The following MRO variants were observed in gnomAD, a reference collection of about 807,000 sequenced individuals.
MRO encodes protein maestro.
A neutral mutation model predicts 31.0 loss-of-function variants in MRO; 28 were observed. The observed-to-expected ratio is 0.90, with a 90% CI of 0.67 to 1.24. MRO has a LOEUF of 1.24. MRO is among the 50% of genes most tolerant of loss of function. MRO has a pLI of 0.00. For missense variants in MRO, 332 were observed against 289.2 expected, an observed-to-expected ratio of 1.15 and a Z score of -1.07; for synonymous variants, 108 against 108.4, an observed-to-expected ratio of 1.00 and a Z score of 0.02.
In MRO at chr18:50,811,333, T is replaced by C. The variant is rs375039097; in HGVS notation, c.-4-1929A>G. Among the ~76,000 whole-genome samples, 4 of 152,206 alleles carry C rather than the reference T, an allele frequency of 2.6e-5. No homozygotes were observed. In the East Asian group the frequency reaches 5.8e-4, roughly 22 times the overall value. On this transcript the variant is annotated intron_variant, in intron 2 of 7. Coordinates refer to ENST00000398439, the MANE Select transcript of MRO (RefSeq NM_031939.6). Reference sequence around the variant, plus strand: ...TTTTCATCACCCCAAAAGAAAGCCCTGCACCCATTAGGCATTCATTCCATA... The same window carrying C: ...TTTTCATCACCCCAAAAGAAAGCCCCGCACCCATTAGGCATTCATTCCATA...
At chr18:50,811,931 G>A (rs905163533) in intron 2 of MRO, among the ~76,000 whole-genome samples, 9 of 151,800 alleles carry the variant, frequency 5.9e-5, no homozygotes, top group Admixed American at 3.3e-4. Flanking sequence ...TAGTAGACAC[G>A]GGGTTTCAGC....
chr18:50,815,762 G>A (rs766340747), intron 2 of MRO: 47 of 414,540 alleles, frequency 1.1e-4, no homozygotes, highest in Non-Finnish European at 2.0e-4. Context: ...GGCTGGGCAC[G>A]GTGGCTCACA....
At chr18:50,822,858 A>G (rs1357205785), upstream of MRO, among the ~76,000 whole-genome samples, 1 of 151,954 alleles carries the variant, frequency 6.6e-6, no homozygotes, top group African/African-American at 2.4e-5. Context: ...ATGGAGGCAG[A>G]GTGCTCGGCA....
At position 50,815,589 on chromosome 18, in the gene MRO, T is replaced by G. The variant is rs1914847326; in HGVS notation, c.-5+3992A>C. 4 of 297,402 alleles carry G rather than the reference T, an allele frequency of 1.3e-5. No homozygotes were observed. The South Asian group carries it at 1.4e-4, about 10-fold the overall frequency. 18.4% of individuals were successfully genotyped at this position (297,402 alleles called of 1,614,324 possible). A position where few individuals can be genotyped will look rare whatever the true frequency, so the allele number is the denominator to read the frequency against. ...TTGGTGGTGGTAACTATGGTGGTGGTGGAAACTATAATGATCTTGGAAACA... is the reference window on the plus strand; with the variant it reads ...TTGGTGGTGGTAACTATGGTGGTGGGGGAAACTATAATGATCTTGGAAACA... On this transcript the variant is annotated intron_variant, in intron 2 of 7. Coordinates refer to ENST00000398439, the MANE Select transcript of MRO (RefSeq NM_031939.6).
At chr18:50,817,675 G>C (rs1339288930) in intron 2 of MRO, among the ~76,000 whole-genome samples, 2 of 150,618 alleles carry the variant, frequency 1.3e-5, no homozygotes, top group Non-Finnish European at 3.0e-5. Context: ...AAGCTAATCC[G>C]AGCCCATGCA....
Position 50,799,266 on chromosome 18 carries a change from T to G in MRO, c.*71A>C. ...GCAAGCAGTGAGAAGAGGCATCCAG[T>G]GAGATAAAACAGGGGAACATGATGG... On this transcript the variant is annotated 3_prime_UTR_variant, in exon 8 of 8. Transcript: ENST00000398439. The G allele has an allele frequency of 5.2e-6, 7 of 1,337,642 alleles. No homozygotes were observed. Among genetic ancestry groups the G allele is most frequent in the South Asian group, 1.2e-5 (1 of 85,126 alleles). 82.9% of individuals were successfully genotyped at this position (1,337,642 alleles called of 1,614,324 possible).
chr18:50,802,301 C>T (rs1913413373), intron 5 of MRO, among the ~76,000 whole-genome samples: 1 of 152,176 alleles, frequency 6.6e-6, no homozygotes, highest in Non-Finnish European at 1.5e-5. Flanking sequence ...CTCCCTGCTT[C>T]CAGTCTGATT....
chr18:50,808,109 A>G (rs1401866492), intron 3 of MRO, among the ~76,000 whole-genome samples: 1 of 152,092 alleles, frequency 6.6e-6, no homozygotes, highest in Non-Finnish European at 1.5e-5. Flanking sequence ...ACAAACAAAC[A>G]CAAACACCAA....
At chr18:50,799,500 T>G (rs1599002115) in intron 7 of MRO, 110 bp from the exon 8 acceptor site, 1 of 902,694 alleles carries the variant, frequency 1.1e-6, no homozygotes, top group Non-Finnish European at 1.8e-6. Flanking sequence ...GCAGGAGAGG[T>G]GGAGGCATCA....
upstream of MRO, among the ~76,000 whole-genome samples, chr18:50,822,553 G>A (rs1915343821): frequency 6.6e-6 from 1 of 152,018 alleles, no homozygotes. Flanking sequence ...GGCCAGGCTG[G>A]TCTCCAACTC....
At chr18:50,811,746 CTTTTTTTTTT>C (rs71171344) in intron 2 of MRO, among the ~76,000 whole-genome samples, 2 of 80,156 alleles carry the variant, frequency 2.5e-5, no homozygotes, top group South Asian at 5.4e-4. Context: ...TGTGGTAATT[CTTTTTTTTTT>C]TTTTTTTTTT....
At chr18:50,801,543 C>A (rs747575433) in intron 5 of MRO, 39 bp from the exon 6 acceptor site, 2 of 1,552,894 alleles carry the variant, frequency 1.3e-6, no homozygotes, top group Non-Finnish European at 1.7e-6. Flanking sequence ...AAAGCCAGAT[C>A]ATTACCAAAA....
chr18:50,806,752 G>A lies in MRO; in HGVS notation c.198C>T (p.His66=), dbSNP rs200310054. 6.2e-7 allele frequency: 1 copy of A among 1,614,170 alleles called. No individual in the cohort carries two copies. The highest frequency in any genetic ancestry group is 2.2e-5 in the East Asian group (1 of 44,872). The change falls in exon 4 of 8, where the codon CAC becomes CAT. Residue 66 remains histidine, a synonymous_variant. Coordinates refer to ENST00000398439, the MANE Select transcript of MRO (RefSeq NM_031939.6). ...RARDPSAKKR[H]MAMRNLGTMA... is the part of the protein sequence containing the mutation. Reference sequence around the variant, plus strand: ...TGGTTCCCAAGTTTCTCATTGCCATGTGACGCTTTTTAGCACTGGGGTCCC... The same window carrying A: ...TGGTTCCCAAGTTTCTCATTGCCATATGACGCTTTTTAGCACTGGGGTCCC...
rs1912752443 is a variant in MRO at position 50,795,906 on chromosome 18, C to A, written c.*3431G>T. 6.6e-6 allele frequency: 1 copy of A among 152,236 alleles called. No homozygotes were observed. Among genetic ancestry groups the A allele is most frequent in the African/African-American group, 2.4e-5 (1 of 41,412 alleles). The allele number at this position is 152,236 out of a possible 1,614,324, so 9.4% of individuals were successfully genotyped here. A position where few individuals can be genotyped will look rare whatever the true frequency, so the allele number is the denominator to read the frequency against. On this transcript the variant is annotated 3_prime_UTR_variant, in exon 8 of 8. Coordinates refer to ENST00000398439, the MANE Select transcript of MRO (RefSeq NM_031939.6). ...AGTGAGCCGAGATCGTGTCATTGCA[C>A]TCCAGCCTGGGTGACAGAGTGAGGC...
chr18:50,822,557 C>G (rs1288347257), upstream of MRO, among the ~76,000 whole-genome samples: 3 of 152,042 alleles, frequency 2.0e-5, no homozygotes, highest in East Asian at 5.8e-4. Flanking sequence ...AGGCTGGTCT[C>G]CAACTCCTGA....
At chr18:50,808,903 C>T (rs1433082614) in intron 3 of MRO, among the ~76,000 whole-genome samples, 9 of 151,126 alleles carry the variant, frequency 6.0e-5, no homozygotes, top group Non-Finnish European at 8.9e-5. Flanking sequence ...TTTGGGAGGC[C>T]GAGGCGGGTG....
chr18:50,801,992 T>C (rs1046704964), intron 5 of MRO, among the ~76,000 whole-genome samples: 7 of 152,328 alleles, frequency 4.6e-5, no homozygotes, highest in Admixed American at 3.9e-4. Flanking sequence ...AAGAAAGATG[T>C]ATATCACATA....
At chr18:50,818,022 C>G (rs1915084157) in intron 2 of MRO, among the ~76,000 whole-genome samples, 1 of 139,958 alleles carries the variant, frequency 7.1e-6, no homozygotes, top group Non-Finnish European at 1.5e-5. Context: ...TCCTTCCTGC[C>G]TGCAGTGCCT....
intron 5 of MRO, 117 bp from the exon 6 acceptor site, chr18:50,801,621 C>T (rs1401707001): frequency 5.0e-6 from 5 of 993,124 alleles, no homozygotes; most frequent in African/African-American, 1.6e-5. Context: ...CAGAACACAT[C>T]ACAGCCATCG....
Sources: allele counts gnomAD v4.1 joint callset (sites outside exome capture counted in the v4.1 genomes callset), GRCh38; gene constraint gnomAD v4.1.1; transcripts MANE v1.5; gene names NCBI Gene and HGNC (gene_info 2026-07-23, HGNC 2026-07-21).